The following L3MBTL4 variants were observed in gnomAD, a reference collection of about 807,000 sequenced individuals.
L3MBTL4 encodes the protein lethal(3)malignant brain tumor-like protein 4.
Under a neutral mutation model 84.5 loss-of-function variants are expected in L3MBTL4, and 70 were observed. The ratio of observed to expected loss-of-function variants is 0.83; its 90% confidence interval spans 0.68 to 1.01. L3MBTL4 has a LOEUF of 1.01. L3MBTL4 is among the 50% of genes least tolerant of loss of function. The pLI is 0.00. For synonymous variants in L3MBTL4, 274 were observed against 259.8 expected (o/e 1.05, Z -0.52); for missense variants, 715 against 754.8 (o/e 0.95, Z 0.62).
At chr18:6,216,804 T>G (rs1360830017) in intron 10 of L3MBTL4, among the ~76,000 whole-genome samples, 2 of 152,168 alleles carry the variant, frequency 1.3e-5, no homozygotes, top group Admixed American at 1.3e-4. Context: ...ATACTCCAAG[T>G]AATTTTCATA....
At chr18:6,280,601 T>C (rs540403704) in intron 4 of L3MBTL4, among the ~76,000 whole-genome samples, 1 of 152,220 alleles carries the variant, frequency 6.6e-6, no homozygotes, top group Non-Finnish European at 1.5e-5. Context: ...TCCAAAGATG[T>C]CCACATCCTT....
chr18:6,202,446 A>G (rs2045687893), intron 12 of L3MBTL4, among the ~76,000 whole-genome samples: 1 of 152,106 alleles, frequency 6.6e-6, no homozygotes, highest in African/African-American at 2.4e-5. Context: ...CCATATGTTT[A>G]AGATCACTTT....
At chr18:6,012,229 G>A (rs754266705) in intron 16 of L3MBTL4, among the ~76,000 whole-genome samples, 3 of 152,060 alleles carry the variant, frequency 2.0e-5, no homozygotes, top group Non-Finnish European at 2.9e-5. Flanking sequence ...GATGAAGAAT[G>A]GAGGAAAGGT....
intron 1 of L3MBTL4, among the ~76,000 whole-genome samples, chr18:6,320,052 T>A (rs2051323627): frequency 6.6e-6 from 1 of 152,022 alleles, no homozygotes; most frequent in Non-Finnish European, 1.5e-5. Flanking sequence ...CATATGATCA[T>A]TTCAATATAG....
At chr18:6,314,764 A>G (rs1322821737) in intron 1 of L3MBTL4, among the ~76,000 whole-genome samples, 3 of 152,210 alleles carry the variant, frequency 2.0e-5, no homozygotes, top group Non-Finnish European at 4.4e-5. Flanking sequence ...AACTAAAATA[A>G]TTCACTGTCT....
chr18:6,362,274 A>G (rs1461342607), intron 1 of L3MBTL4, among the ~76,000 whole-genome samples: 1 of 151,804 alleles, frequency 6.6e-6, no homozygotes, highest in Non-Finnish European at 1.5e-5. Context: ...AAGGAAAAGA[A>G]GAAAAAGAAA....
intron 10 of L3MBTL4, among the ~76,000 whole-genome samples, chr18:6,228,771 C>A (rs997314732): frequency 1.3e-5 from 2 of 152,080 alleles, no homozygotes; most frequent in Admixed American, 6.6e-5. Context: ...GGAGAGAAGA[C>A]CCTGAGTGCC....
chr18:6,061,556 C>G (rs768554336), intron 16 of L3MBTL4, among the ~76,000 whole-genome samples: 4 of 151,816 alleles, frequency 2.6e-5, no homozygotes, highest in Non-Finnish European at 5.9e-5. Context: ...TAATAATCAC[C>G]AAACTGAAGG....
intron 15 of L3MBTL4, among the ~76,000 whole-genome samples, chr18:6,091,295 G>A (rs9303982): frequency 0.038 from 5,779 of 152,208 alleles, 357 homozygotes; most frequent in African/African-American, 0.13. Flanking sequence ...GGGTAGACTC[G>A]AAAAGGGAAT....
At chr18:6,197,852 A>C (rs144825961) in intron 12 of L3MBTL4, among the ~76,000 whole-genome samples, 81 of 152,310 alleles carry the variant, frequency 5.3e-4, no homozygotes, top group African/African-American at 1.9e-3. Flanking sequence ...TGCCCTCGCA[A>C]GTATTTGAAG....
chr18:5,979,126 A>G (rs1267488560), intron 16 of L3MBTL4, among the ~76,000 whole-genome samples: 1 of 152,184 alleles, frequency 6.6e-6, no homozygotes, highest in African/African-American at 2.4e-5. Flanking sequence ...GATGAAGGAA[A>G]GCCTGGAGCT....
At chr18:6,366,354 A>C (rs2053934001) in intron 1 of L3MBTL4, among the ~76,000 whole-genome samples, 1 of 152,230 alleles carries the variant, frequency 6.6e-6, no homozygotes, top group Non-Finnish European at 1.5e-5. Flanking sequence ...CGCTCATGTC[A>C]GAGAACAAAT....
At chr18:5,984,401 A>G (rs1382403754) in intron 16 of L3MBTL4, among the ~76,000 whole-genome samples, 1 of 152,224 alleles carries the variant, frequency 6.6e-6, no homozygotes, top group Non-Finnish European at 1.5e-5. Flanking sequence ...ACTTTCATAT[A>G]CCACAGAAAA....
intron 1 of L3MBTL4, among the ~76,000 whole-genome samples, chr18:6,334,538 G>A (rs973242932): frequency 6.6e-6 from 1 of 152,122 alleles, no homozygotes; most frequent in African/African-American, 2.4e-5. Flanking sequence ...AAAAAGTAAA[G>A]GGGAGTTCCT....
intron 1 of L3MBTL4, among the ~76,000 whole-genome samples, chr18:6,318,438 G>A (rs2051220320): frequency 8.5e-6 from 1 of 117,104 alleles, no homozygotes; most frequent in Admixed American, 1.2e-4. Flanking sequence ...GAAACCAAAA[G>A]CTAGCAGGAG....
chr18:6,247,906 G>A lies in L3MBTL4; in HGVS notation c.220-3318C>T, dbSNP rs542342403. 7.2e-5 allele frequency among the ~76,000 whole-genome samples: 11 copies of A among 151,958 alleles called. 1 individual carries two copies. In the South Asian group the frequency reaches 8.3e-4, roughly 11 times the overall value. ...TGTGTTGTGTCCTTCTCAGGGTATC[G>A]CATTCAGAGGCACATGATGTCCTTC... On this transcript the variant is annotated intron_variant, in intron 5 of 18. Coordinates refer to ENST00000317931, the MANE Select transcript of L3MBTL4 (RefSeq NM_001330559.2).
rs78201284 is a variant in L3MBTL4 at position 6,198,718 on chromosome 18, C to T, written c.981+14431G>A. ...AAGTATTAAATGAAGATATCTCAGC[C>T]TATTCAAAGGGGACAGTGTAATCAC... On this transcript the variant is annotated intron_variant, in intron 12 of 18. Coordinates refer to ENST00000317931, the MANE Select transcript of L3MBTL4 (RefSeq NM_001330559.2). 3.2e-3 allele frequency among the ~76,000 whole-genome samples: 483 copies of T among 152,212 alleles called. 1 individual carries two copies. The highest frequency in any genetic ancestry group is 0.011 in the African/African-American group (447 of 41,528).
At chr18:6,003,073 GAGATACTATATAAAATATAGTA>G (rs2054293439) in intron 16 of L3MBTL4, among the ~76,000 whole-genome samples, 2 of 105,244 alleles carry the variant, frequency 1.9e-5, no homozygotes, top group Non-Finnish European at 3.7e-5. Flanking sequence ...TCTATTTATA[GAGATACTATATAAAATATAGTA>G]TCTCTATTTA....
intron 16 of L3MBTL4, among the ~76,000 whole-genome samples, chr18:6,036,066 G>T (rs7240576): frequency 0.016 from 2,472 of 152,240 alleles, 71 homozygotes; most frequent in African/African-American, 0.057. Context: ...CGAGAAATTT[G>T]AGGATAAGCT....
Sources: allele counts gnomAD v4.1 joint callset (sites outside exome capture counted in the v4.1 genomes callset), GRCh38; gene constraint gnomAD v4.1.1; transcripts MANE v1.5; gene names NCBI Gene and HGNC (gene_info 2026-07-23, HGNC 2026-07-21).